Variants in CDC25A observed in about 807,000 individuals in gnomAD.
CDC25A encodes cell division cycle 25A.
A neutral mutation model predicts 64.6 loss-of-function variants in CDC25A; 17 were observed. The observed-to-expected ratio is 0.26, with a 90% CI of 0.18 to 0.39. The LOEUF is 0.39. Ranked by LOEUF, CDC25A falls within the 10% of genes least tolerant of loss-of-function variation. The pLI is 1.00. For synonymous variants in CDC25A, 229 were observed against 238.6 expected (o/e 0.96, Z 0.37); for missense variants, 473 against 654.8 (o/e 0.72, Z 3.03).
At chr3:48,181,150 T>C (rs1462191359) in intron 5 of CDC25A, among the ~76,000 whole-genome samples, 1 of 152,164 alleles carries the variant, frequency 6.6e-6, no homozygotes, top group Non-Finnish European at 1.5e-5. Flanking sequence ...AAATCTAATA[T>C]AATTGCCTGT....
rs190874557 is a variant in CDC25A at position 48,183,437 on chromosome 3, A to G, written c.327+363T>C. Among the ~76,000 whole-genome samples the G allele has an allele frequency of 1.3e-3, 197 of 152,334 alleles. 1 individual carries two copies. Among genetic ancestry groups the G allele is most frequent in the Non-Finnish European group, 1.9e-4 (13 of 68,034 alleles). On this transcript the variant is annotated intron_variant, in intron 4 of 14. Transcript: ENST00000302506. ...AGGCTGGGAATAGTGGCTCTTGCCT[A>G]TAATCCTAGCACTTTGGGAGGCCGA...
intron 5 of CDC25A, among the ~76,000 whole-genome samples, chr3:48,182,652 C>T (rs2032708859): frequency 6.6e-6 from 1 of 152,240 alleles, no homozygotes; most frequent in Admixed American, 6.5e-5. Flanking sequence ...TGTCAGGCAC[C>T]ATTTTCAATA....
chr3:48,187,488 A>T (rs1486298428), intron 1 of CDC25A, among the ~76,000 whole-genome samples: 3 of 152,228 alleles, frequency 2.0e-5, no homozygotes, highest in Non-Finnish European at 4.4e-5. Flanking sequence ...GCTTCCAGGG[A>T]TAGAGATAGA....
At chr3:48,180,864 T>C in intron 5 of CDC25A, 24 bp from the exon 6 acceptor site, 2 of 1,612,698 alleles carry the variant, frequency 1.2e-6, no homozygotes, top group Non-Finnish European at 1.7e-6. Context: ...TTGAGACATC[T>C]ACTGTCCATG....
rs750553765 is a variant in CDC25A at position 48,165,623 on chromosome 3, C to CA, written c.1191+12dup. 1 of 1,585,388 alleles carries CA rather than the reference C, an allele frequency of 6.3e-7. No homozygotes were observed. The highest frequency in any genetic ancestry group is 8.7e-7 in the Non-Finnish European group (1 of 1,154,050). ...TTAGGGCTCCTTCTACAGCAAGTCT[C>CA]AGGAATCCATACCTTGATGTGGCCT... On this transcript the variant is annotated intron_variant, in intron 12 of 14. Coordinates refer to ENST00000302506, the MANE Select transcript of CDC25A (RefSeq NM_001789.3).
At position 48,184,610 on chromosome 3, in the gene CDC25A, C is replaced by T. The variant is rs367895674; in HGVS notation, c.290+43G>A. The T allele has an allele frequency of 4.3e-5, 60 of 1,392,504 alleles. 1 individual carries two copies. Among genetic ancestry groups the T allele is most frequent in the Middle Eastern group, 3.5e-4 (2 of 5,656 alleles). 86.3% of individuals were successfully genotyped at this position (1,392,504 alleles called of 1,614,324 possible). ...TAAATAAGGTATTTAAGTTTAGACA[C>T]GTTTTTTCTACATATAAACATTTGA... is the stretch of plus-strand genomic sequence containing the variant. On this transcript the variant is annotated intron_variant, in intron 3 of 14. Transcript: ENST00000302506.
At position 48,187,765 on chromosome 3, in the gene CDC25A, G is replaced by A; in HGVS notation, c.170+13C>T. The A allele has an allele frequency of 6.5e-7, 1 of 1,534,424 alleles. No individual in the cohort carries two copies. Among genetic ancestry groups the A allele is most frequent in the Non-Finnish European group, 8.8e-7 (1 of 1,138,424 alleles). ...CCAGGGGCCCGGAGCACCGCCCGCC[G>A]GTCTCTCCTTACCTGCCCAGACCCT... is the stretch of plus-strand genomic sequence containing the variant. On this transcript the variant is annotated intron_variant, in intron 1 of 14. Transcript: ENST00000302506.
intron 13 of CDC25A, among the ~76,000 whole-genome samples, chr3:48,161,894 CTACT>C: frequency 6.6e-6 from 1 of 152,102 alleles, no homozygotes; most frequent in African/African-American, 2.4e-5. Context: ...AACCCCGTCT[CTACT>C]AAAAATACAA....
intron 10 of CDC25A, 70 bp from the exon 11 acceptor site, chr3:48,165,963 C>T: frequency 9.1e-7 from 1 of 1,095,026 alleles, no homozygotes; most frequent in Non-Finnish European, 1.4e-6. Flanking sequence ...ACTGTTTTGT[C>T]TGGCTGGTAG....
chr3:48,184,994 G>A (rs553789830), intron 2 of CDC25A, among the ~76,000 whole-genome samples: 1 of 152,314 alleles, frequency 6.6e-6, no homozygotes, highest in South Asian at 2.1e-4. Context: ...TGATTGTTTG[G>A]TTATTCAGAT....
chr3:48,174,501 T>C, intron 8 of CDC25A, 44 bp from the exon 9 acceptor site: 1 of 1,563,636 alleles, frequency 6.4e-7, no homozygotes, highest in Non-Finnish European at 8.7e-7. Flanking sequence ...CATTAAAACC[T>C]GTTCACTTGA....
intron 1 of CDC25A, 80 bp from the exon 2 acceptor site, chr3:48,186,859 T>A: frequency 1.0e-6 from 1 of 958,940 alleles, no homozygotes; most frequent in African/African-American, 1.6e-5. Context: ...GCCATGAGAT[T>A]AAGAAGCAGC....
chr3:48,172,467 GA>G, intron 9 of CDC25A, among the ~76,000 whole-genome samples: 1 of 152,274 alleles, frequency 6.6e-6, no homozygotes, highest in African/African-American at 2.4e-5. Flanking sequence ...TATAATGAAG[GA>G]AAAACATACA....
chr3:48,174,237 A>G, intron 9 of CDC25A, 47 bp downstream of exon 9: 1 of 1,519,518 alleles, frequency 6.6e-7, no homozygotes, highest in Non-Finnish European at 8.9e-7. Flanking sequence ...TTAGAACTGA[A>G]AAATACAGTA....
rs758609584 is a variant in CDC25A at position 48,158,731 on chromosome 3, C to CG, written c.*213dup. 634 of 566,034 alleles carry CG rather than the reference C, an allele frequency of 1.1e-3. 6 individuals carry two copies. Among genetic ancestry groups the CG allele is most frequent in the South Asian group, 2.2e-3 (104 of 46,568 alleles). 35.1% of individuals were successfully genotyped at this position (566,034 alleles called of 1,614,324 possible). A position where few individuals can be genotyped will look rare whatever the true frequency, so the allele number is the denominator to read the frequency against. ...CATTGTGGCACAGTTCTGATATGGA[C>CG]GGAGGACGTCTAACAGGGACAGAAG... On this transcript the variant is annotated 3_prime_UTR_variant, in exon 15 of 15. Coordinates refer to ENST00000302506, the MANE Select transcript of CDC25A (RefSeq NM_001789.3).
chr3:48,176,895 T>G (rs1215946795), intron 8 of CDC25A, among the ~76,000 whole-genome samples: 1 of 150,750 alleles, frequency 6.6e-6, no homozygotes, highest in African/African-American at 2.4e-5. Context: ...CACTTGAACC[T>G]GGGAGGCAGA....
intron 2 of CDC25A, 52 bp downstream of exon 2, chr3:48,186,651 G>T: frequency 8.8e-7 from 1 of 1,131,168 alleles, no homozygotes; most frequent in Non-Finnish European, 1.3e-6. Flanking sequence ...GGGTGAAAAG[G>T]CATGTTTCAG....
At chr3:48,174,594 T>C in intron 8 of CDC25A, 137 bp from the exon 9 acceptor site, 2 of 775,232 alleles carry the variant, frequency 2.6e-6, no homozygotes, top group Non-Finnish European at 4.1e-6. Flanking sequence ...CCGATTCATC[T>C]AGTCCTAGCA....
intron 2 of CDC25A, among the ~76,000 whole-genome samples, chr3:48,186,172 A>ACTAC (rs2032836013): frequency 6.6e-6 from 1 of 152,238 alleles, no homozygotes. Flanking sequence ...ATTATACTTT[A>ACTAC]CTACCCATCC....
Sources: gnomAD v4.1 joint callset for allele counts (sites outside exome capture counted in the v4.1 genomes callset) on GRCh38, gnomAD v4.1.1 for gene constraint, MANE v1.5 for transcripts, NCBI Gene and HGNC (gene_info 2026-07-23, HGNC 2026-07-21) for gene names.